Variants in GJB7 observed in about 807,000 individuals in gnomAD.
The protein encoded by GJB7 is gap junction protein beta 7, also known as gap junction beta-7 protein.
For synonymous variants in GJB7, 87 were observed against 95.2 expected, an observed-to-expected ratio of 0.91 and a Z score of 0.50; for missense variants, 253 against 256.8, an observed-to-expected ratio of 0.99 and a Z score of 0.10.
chr6:87,327,928 A>T (rs1433072154), intron 1 of GJB7, among the ~76,000 whole-genome samples: 1 of 149,876 alleles, frequency 6.7e-6, no homozygotes, highest in African/African-American at 2.5e-5. Flanking sequence ...ACATAGTCCC[A>T]TATTTCTTGG....
chr6:87,301,212 G>A (rs1412835460), intron 2 of GJB7, among the ~76,000 whole-genome samples: 1 of 152,140 alleles, frequency 6.6e-6, no homozygotes, highest in African/African-American at 2.4e-5. Flanking sequence ...CACCAAGTGT[G>A]AGCCAAAGCA....
intron 2 of GJB7, chr6:87,298,954 C>A: frequency 2.2e-6 from 1 of 448,778 alleles, no homozygotes; most frequent in South Asian, 1.8e-5. Flanking sequence ...AATGATTGAT[C>A]AACTGGGGAA....
Position 87,284,852 on chromosome 6 carries a change from C to G in GJB7, c.61G>C (p.Gly21Arg), listed in dbSNP as rs774756630. The change falls in exon 3 of 3, where the codon GGA becomes CGA. Residue 21 changes from glycine (G) to arginine (R), a missense_variant. Transcript: ENST00000525899. ...AACACGACAGCCAGCCAAATCCATC[C>G]AGTCCCAGTGGAGTATTTATTTACT... The part of the protein sequence containing the change: ...SGVNKYSTGT[G>R]WIWLAVVFVF... 2.5e-6 allele frequency: 4 copies of G among 1,614,054 alleles called. No individual in the cohort carries two copies. The Admixed American group carries it at 6.7e-5, about 27-fold the overall frequency.
rs1045587489 is a variant in GJB7, at chr6:87,283,129, T to C, written c.*1112A>G. On this transcript the variant is annotated 3_prime_UTR_variant, in exon 3 of 3. Transcript: ENST00000525899. ...AAACAAGTGATAAACTTTTAAAACA[T>C]TTTTGCACCACTGTAACAACATAGT... 7 of 152,336 alleles carry C rather than the reference T, an allele frequency of 4.6e-5. No individual in the cohort carries two copies. Among genetic ancestry groups the C allele is most frequent in the Non-Finnish European group, 7.3e-5 (5 of 68,032 alleles). 9.4% of individuals were successfully genotyped at this position (152,336 alleles called of 1,614,324 possible).
At chr6:87,293,632 T>G (rs1399887219) in intron 2 of GJB7, among the ~76,000 whole-genome samples, 5 of 152,122 alleles carry the variant, frequency 3.3e-5, no homozygotes, top group Admixed American at 3.3e-4. Context: ...TCCATGACCT[T>G]AAAGCATCAC....
rs369503577 is a variant in GJB7, at chr6:87,284,831, C to T, written c.82G>A (p.Val28Met). The T allele has an allele frequency of 2.7e-5, 44 of 1,614,098 alleles. No homozygotes were observed. Among genetic ancestry groups the T allele is most frequent in the South Asian group, 9.9e-5 (9 of 91,078 alleles). Residue 28 changes from valine (V) to methionine (M), a missense_variant, in exon 3 of 3, where the codon GTG becomes ATG. Transcript: ENST00000525899. ...TAGACCAGCAAACGGAAGACAAACA[C>T]GACAGCCAGCCAAATCCATCCAGTC... The part of the protein sequence containing the change: ...TGTGWIWLAV[V>M]FVFRLLVYMV...
chr6:87,318,272 T>A (rs73488008), intron 2 of GJB7, among the ~76,000 whole-genome samples: 7,588 of 152,292 alleles, frequency 0.05, 355 homozygotes, highest in African/African-American at 0.12. Context: ...GAAAACAGAC[T>A]GCTCCTTAAG....
chr6:87,326,204 G>C (rs143232658), intron 1 of GJB7, among the ~76,000 whole-genome samples: 2 of 151,912 alleles, frequency 1.3e-5, no homozygotes, highest in Non-Finnish European at 2.9e-5. Context: ...TTGTTGATCC[G>C]TTCAAAAAAC....
rs1297277806 is a variant in GJB7, at chr6:87,322,851, A to G, written c.-28+15T>C. On this transcript the variant is annotated intron_variant, in intron 2 of 2. Coordinates refer to ENST00000525899, the MANE Select transcript of GJB7 (RefSeq NM_198568.3). ...GAAGCTCTCTGGCCCCACAGAGCCCATTTCCCGTACTCACCTTGCGGGCTC... is the reference window on the plus strand; with the variant it reads ...GAAGCTCTCTGGCCCCACAGAGCCCGTTTCCCGTACTCACCTTGCGGGCTC... 6.6e-6 allele frequency: 1 copy of G among 151,894 alleles called. No individual in the cohort carries two copies. The highest frequency in any genetic ancestry group is 1.5e-5 in the Non-Finnish European group (1 of 68,100). The allele number at this position is 151,894 out of a possible 1,614,324, so 9.4% of individuals were successfully genotyped here. A position where few individuals can be genotyped will look rare whatever the true frequency, so the allele number is the denominator to read the frequency against.
chr6:87,284,680 G>A lies in GJB7; in HGVS notation c.233C>T (p.Ala78Val), dbSNP rs1776029168. 5 of 1,614,074 alleles carry A rather than the reference G, an allele frequency of 3.1e-6. No individual in the cohort carries two copies. In the East Asian group the frequency reaches 1.1e-4, roughly 36 times the overall value. ...TGTGGAGACCATTATCAGTTGTAAGGCCCAAAGTCTGACTTGGGAAATGGG... is the reference window on the plus strand; with the variant it reads ...TGTGGAGACCATTATCAGTTGTAAGACCCAAAGTCTGACTTGGGAAATGGG... ...FFPISQVRLW[A>V]LQLIMVSTPS... Residue 78 changes from alanine to valine, a missense_variant, in exon 3 of 3, where the codon GCC becomes GTC. Coordinates refer to ENST00000525899, the MANE Select transcript of GJB7 (RefSeq NM_198568.3).
chr6:87,287,891 C>A (rs894891687), intron 2 of GJB7, among the ~76,000 whole-genome samples: 1 of 151,982 alleles, frequency 6.6e-6, no homozygotes, highest in South Asian at 2.1e-4. Context: ...TTATAAATGT[C>A]CATCCTATTT....
chr6:87,312,616 A>G (rs2127908230), intron 2 of GJB7, among the ~76,000 whole-genome samples: 1 of 152,342 alleles, frequency 6.6e-6, no homozygotes, highest in Non-Finnish European at 1.5e-5. Flanking sequence ...CAACAACAGT[A>G]TTAAAGAACA....
At chr6:87,299,663 T>C (rs1776293166) in intron 2 of GJB7, 1 of 177,918 alleles carries the variant, frequency 5.6e-6, no homozygotes, top group Admixed American at 6.1e-5. Context: ...GCTCCAGATT[T>C]TGGTGACAAC....
chr6:87,299,290 A>G (rs1776287435), intron 2 of GJB7: 1 of 483,938 alleles, frequency 2.1e-6, no homozygotes, highest in Non-Finnish European at 4.2e-6. Flanking sequence ...AAATGGAGAC[A>G]AAGAAATTGT....
At chr6:87,289,975 C>T (rs1776139302) in intron 2 of GJB7, among the ~76,000 whole-genome samples, 1 of 152,256 alleles carries the variant, frequency 6.6e-6, no homozygotes, top group African/African-American at 2.4e-5. Flanking sequence ...GCCTTGCAGA[C>T]TGCCAGCGAC....
chr6:87,303,470 G>C (rs1776368540), intron 2 of GJB7, among the ~76,000 whole-genome samples: 2 of 152,148 alleles, frequency 1.3e-5, no homozygotes, highest in African/African-American at 2.4e-5. Flanking sequence ...TCAACAAGAA[G>C]AGCTAACTAT....
intron 2 of GJB7, among the ~76,000 whole-genome samples, chr6:87,313,498 C>T (rs1776539454): frequency 6.6e-6 from 1 of 152,166 alleles, no homozygotes; most frequent in African/African-American, 2.4e-5. Context: ...GGATAAATGT[C>T]ACTGTATTCA....
chr6:87,304,383 A>G (rs967798174), intron 2 of GJB7, among the ~76,000 whole-genome samples: 1 of 152,222 alleles, frequency 6.6e-6, no homozygotes, highest in Admixed American at 6.5e-5. Context: ...ACCATCAGAA[A>G]ATACTATAAA....
At chr6:87,297,751 G>T (rs1479570372) in intron 2 of GJB7, among the ~76,000 whole-genome samples, 1 of 152,186 alleles carries the variant, frequency 6.6e-6, no homozygotes, top group Non-Finnish European at 1.5e-5. Flanking sequence ...AGTGTCATGA[G>T]GCAGGAGCTT....
Sources: allele counts gnomAD v4.1 joint callset (sites outside exome capture counted in the v4.1 genomes callset), GRCh38; gene constraint gnomAD v4.1.1; transcripts MANE v1.5; gene names NCBI Gene and HGNC (gene_info 2026-07-23, HGNC 2026-07-21).